The following UBTD2 variants were observed in gnomAD, a reference collection of about 807,000 sequenced individuals.
The protein encoded by UBTD2 is ubiquitin domain-containing protein 2.
A neutral mutation model predicts 19.8 loss-of-function variants in UBTD2; 9 were observed. The ratio of observed to expected loss-of-function variants is 0.46; its 90% confidence interval spans 0.27 to 0.79. The LOEUF (loss-of-function observed/expected upper bound fraction) is 0.79. Among genes scored for constraint, UBTD2 ranks in the 30% least tolerant of loss-of-function variants. UBTD2 has a pLI of 0.14. For missense variants in UBTD2, 250 were observed against 300.4 expected (o/e 0.83, Z 1.24); for synonymous variants, 98 against 103.9 (o/e 0.94, Z 0.35).
chr5:172,230,342 G>A (rs7732093), intron 2 of UBTD2, among the ~76,000 whole-genome samples: 49,312 of 151,930 alleles, frequency 0.32, 8,090 homozygotes, highest in South Asian at 0.42. Flanking sequence ...TAAAAAAAAG[G>A]TAATTTAGAA....
chr5:172,221,859 A>G (rs566676279), intron 2 of UBTD2, among the ~76,000 whole-genome samples: 2 of 152,274 alleles, frequency 1.3e-5, no homozygotes, highest in African/African-American at 4.8e-5. Context: ...TCTGAGTGAT[A>G]ATGATGTTTC....
At chr5:172,249,643 T>C (rs940879200) in intron 1 of UBTD2, among the ~76,000 whole-genome samples, 7 of 151,870 alleles carry the variant, frequency 4.6e-5, no homozygotes, top group African/African-American at 1.7e-4. Flanking sequence ...AGATCACTAG[T>C]TTCAGCCCAG....
intron 1 of UBTD2, among the ~76,000 whole-genome samples, chr5:172,262,051 T>G (rs1755280069): frequency 6.6e-6 from 1 of 152,224 alleles, no homozygotes; most frequent in Admixed American, 6.5e-5. Context: ...TTTATTTCTC[T>G]TTCAGATCAA....
At chr5:172,251,773 C>A (rs1359980863) in intron 1 of UBTD2, among the ~76,000 whole-genome samples, 1 of 152,144 alleles carries the variant, frequency 6.6e-6, no homozygotes, top group Non-Finnish European at 1.5e-5. Context: ...AAAGGTAATT[C>A]TTGAAGCTGA....
chr5:172,222,783 A>G lies in UBTD2; in HGVS notation c.308-10556T>C, dbSNP rs149499032. Among the ~76,000 whole-genome samples the G allele has an allele frequency of 4.3e-3, 654 of 152,364 alleles. 8 individuals are homozygous for G. The highest frequency in any genetic ancestry group is 4.6e-3 in the Non-Finnish European group (311 of 68,026). ...AGATTCAATGATGTAAAATTAATAA[A>G]TAGGCAGTAATAGTGAAATCTGATA... On this transcript the variant is annotated intron_variant, in intron 2 of 2. Coordinates refer to ENST00000393792, the MANE Select transcript of UBTD2 (RefSeq NM_152277.3).
rs1771431261 is a variant in UBTD2, at chr5:172,210,962, T to C, written c.*868A>G. 6.6e-6 allele frequency: 1 copy of C among 152,124 alleles called. No homozygotes were observed. The highest frequency in any genetic ancestry group is 2.1e-4 in the South Asian group (1 of 4,826). The allele number at this position is 152,124 out of a possible 1,614,324, so 9.4% of individuals were successfully genotyped here. On this transcript the variant is annotated 3_prime_UTR_variant, in exon 3 of 3. Coordinates refer to ENST00000393792, the MANE Select transcript of UBTD2 (RefSeq NM_152277.3). ...TAGCTATGAAAAGTTCCAAGCAGAA[T>C]AGATAGATCAATGAAGGTACTATAT...
chr5:172,216,185 A>G (rs1469109972), intron 2 of UBTD2, among the ~76,000 whole-genome samples: 1 of 151,872 alleles, frequency 6.6e-6, no homozygotes, highest in African/African-American at 2.4e-5. Flanking sequence ...AAAAACAAAT[A>G]AACAACAACT....
rs374658166 is a variant in UBTD2 at position 172,242,480 on chromosome 5, G to A, written c.71-8122C>T. On this transcript the variant is annotated intron_variant, in intron 1 of 2. Transcript: ENST00000393792. ...CAGTTTTGCCCTCCAGGGGATATACGGCAATGTGTGAAGACATTTTAACTT... is the reference window on the plus strand; with the variant it reads ...CAGTTTTGCCCTCCAGGGGATATACAGCAATGTGTGAAGACATTTTAACTT... 6.7e-5 allele frequency: 63 copies of A among 937,516 alleles called. No homozygotes were observed. The East Asian group carries it at 7.0e-4, about 10-fold the overall frequency. The allele number at this position is 937,516 out of a possible 1,614,324, so 58.1% of individuals were successfully genotyped here. A position where few individuals can be genotyped will look rare whatever the true frequency, so the allele number is the denominator to read the frequency against.
intron 2 of UBTD2, among the ~76,000 whole-genome samples, chr5:172,227,841 C>T (rs1042424811): frequency 4.0e-5 from 6 of 151,310 alleles, no homozygotes; most frequent in African/African-American, 9.7e-5. Flanking sequence ...CCACCATGCC[C>T]GGCTAATTTT....
At chr5:172,221,029 G>A (rs1771640424) in intron 2 of UBTD2, among the ~76,000 whole-genome samples, 1 of 152,132 alleles carries the variant, frequency 6.6e-6, no homozygotes, top group African/African-American at 2.4e-5. Flanking sequence ...ACCTCAAAAA[G>A]AAAATAGGTA....
chr5:172,222,509 A>AT (rs1771672560), intron 2 of UBTD2, among the ~76,000 whole-genome samples: 1 of 152,218 alleles, frequency 6.6e-6, no homozygotes. Context: ...CAGCATACCC[A>AT]TCACAGATTT....
intron 2 of UBTD2, among the ~76,000 whole-genome samples, chr5:172,227,017 T>C (rs1203282612): frequency 6.6e-6 from 1 of 152,196 alleles, no homozygotes; most frequent in Non-Finnish European, 1.5e-5. Flanking sequence ...GATCTTTAAT[T>C]TTCAGTGCTC....
rs1218763324 is a variant in UBTD2 at position 172,209,902 on chromosome 5, T to C, written c.*1928A>G. The C allele has an allele frequency of 6.6e-6, 1 of 152,628 alleles. No homozygotes were observed. Among genetic ancestry groups the C allele is most frequent in the African/African-American group, 2.4e-5 (1 of 41,448 alleles). The allele number at this position is 152,628 out of a possible 1,614,324, so 9.5% of individuals were successfully genotyped here. ...ACCTTTTACCAATCGATATCATAGA[T>C]ATTGATGACATCACCAAATCTGCTT... On this transcript the variant is annotated 3_prime_UTR_variant, in exon 3 of 3. Transcript: ENST00000393792.
chr5:172,255,825 A>T (rs1307457032), intron 1 of UBTD2, among the ~76,000 whole-genome samples: 1 of 152,210 alleles, frequency 6.6e-6, no homozygotes, highest in Non-Finnish European at 1.5e-5. Context: ...GCAGTGGCTC[A>T]CGCCTGCAAT....
intron 1 of UBTD2, among the ~76,000 whole-genome samples, chr5:172,276,501 A>G (rs906971539): frequency 3.3e-5 from 5 of 152,146 alleles, no homozygotes; most frequent in Non-Finnish European, 7.3e-5. Flanking sequence ...GTTTTTAAAA[A>G]CATCATACAG....
chr5:172,266,027 G>A (rs999540138), intron 1 of UBTD2, among the ~76,000 whole-genome samples: 4 of 151,498 alleles, frequency 2.6e-5, no homozygotes, highest in African/African-American at 9.7e-5. Context: ...TCTGCCTCCC[G>A]GGTTCAAGCA....
chr5:172,248,192 A>G (rs1032611267), intron 1 of UBTD2, among the ~76,000 whole-genome samples: 2 of 152,248 alleles, frequency 1.3e-5, no homozygotes, highest in Admixed American at 1.3e-4. Context: ...TCACAAATGT[A>G]AACAGTCACA....
chr5:172,276,419 C>T (rs184546125), intron 1 of UBTD2, among the ~76,000 whole-genome samples: 33 of 152,282 alleles, frequency 2.2e-4, no homozygotes, highest in African/African-American at 7.9e-4. Flanking sequence ...ACTTTACCAA[C>T]GATTACCCCA....
intron 1 of UBTD2, among the ~76,000 whole-genome samples, chr5:172,279,265 T>G (rs1290889132): frequency 1.3e-5 from 2 of 152,212 alleles, no homozygotes. Context: ...CAAAACTATT[T>G]TTGCACTAAC....
Sources: gnomAD v4.1 joint callset for allele counts (sites outside exome capture counted in the v4.1 genomes callset) on GRCh38, gnomAD v4.1.1 for gene constraint, MANE v1.5 for transcripts, NCBI Gene and HGNC (gene_info 2026-07-23, HGNC 2026-07-21) for gene names.